TNIP3: variants seen among roughly 807,000 people sequenced by gnomAD.
TNIP3 encodes the protein TNFAIP3-interacting protein 3.
TNIP3 carries 34 observed loss-of-function variants against 54.1 expected under a neutral mutation model. That is an observed-to-expected ratio of 0.63 (90% CI 0.48 to 0.84). The LOEUF (loss-of-function observed/expected upper bound fraction) is 0.84, where lower values mean the gene tolerates loss of function less well. Among genes scored for constraint, TNIP3 ranks in the 40% least tolerant of loss-of-function variants. TNIP3 has a pLI of 0.00. For synonymous variants in TNIP3, 134 were observed against 136.8 expected (o/e 0.98, Z 0.14); for missense variants, 366 against 387.6 (o/e 0.94, Z 0.47).
At chr4:121,194,781 T>C (rs989805575) in intron 2 of TNIP3, among the ~76,000 whole-genome samples, 1 of 152,114 alleles carries the variant, frequency 6.6e-6, no homozygotes, top group East Asian at 1.9e-4. Context: ...ATAGGCTCTG[T>C]TGGAATCCTC....
chr4:121,203,252 G>C (rs1365520525), intron 2 of TNIP3, among the ~76,000 whole-genome samples: 1 of 151,868 alleles, frequency 6.6e-6, no homozygotes, highest in African/African-American at 2.4e-5. Flanking sequence ...TAGATAGATA[G>C]ATAGATAGAA....
At chr4:121,159,697 C>G (rs1023327027) in intron 2 of TNIP3, among the ~76,000 whole-genome samples, 4 of 152,192 alleles carry the variant, frequency 2.6e-5, no homozygotes, top group Non-Finnish European at 2.9e-5. Flanking sequence ...CGTCATAGGA[C>G]AATATTTAGA....
At chr4:121,211,424 C>T (rs547626657) in intron 2 of TNIP3, among the ~76,000 whole-genome samples, 1 of 152,266 alleles carries the variant, frequency 6.6e-6, no homozygotes, top group East Asian at 1.9e-4. Context: ...GATGAAAACT[C>T]AACTCACTGA....
intron 2 of TNIP3, among the ~76,000 whole-genome samples, chr4:121,205,408 AAG>A (rs758969010): frequency 1.6e-4 from 25 of 152,218 alleles, no homozygotes; most frequent in Non-Finnish European, 2.4e-4. Context: ...AGAAAGGTAA[AAG>A]AGAGCCAGTT....
intron 8 of TNIP3, 136 bp from the exon 9 acceptor site, chr4:121,142,050 A>T: frequency 3.9e-6 from 2 of 512,550 alleles, no homozygotes; most frequent in East Asian, 6.8e-5. Context: ...CAAAATAGTA[A>T]ACATGTCAAT....
intron 2 of TNIP3, among the ~76,000 whole-genome samples, chr4:121,195,237 T>C (rs1725514528): frequency 6.6e-6 from 1 of 152,138 alleles, no homozygotes; most frequent in African/African-American, 2.4e-5. Flanking sequence ...GTAACCCCCA[T>C]ACACCTTCAA....
rs528467719 is a variant in TNIP3 at position 121,195,178 on chromosome 4, A to C, written c.69-12382T>G. On this transcript the variant is annotated intron_variant, in intron 2 of 12. Coordinates refer to the TNIP3 transcript ENST00000507879. The stretch of plus-strand genomic sequence containing the variant: ...AAAAAGCAAACAAAACAAAACAAAA[A>C]AAAAACTTCTTAATTAAGTCAATAA... Among the ~76,000 whole-genome samples, 29 of 152,262 alleles carry C rather than the reference A, an allele frequency of 1.9e-4. No homozygotes were observed. The East Asian group carries it at 2.1e-3, about 11-fold the overall frequency.
intron 3 of TNIP3, chr4:121,182,564 G>A (rs1724773984): frequency 1.6e-6 from 2 of 1,243,812 alleles, no homozygotes; most frequent in South Asian, 3.0e-5. Context: ...CAGCTGACAA[G>A]GAAGTACATG....
chr4:121,187,202 A>C (rs189200831), intron 2 of TNIP3, among the ~76,000 whole-genome samples: 2 of 152,298 alleles, frequency 1.3e-5, no homozygotes, highest in Non-Finnish European at 2.9e-5. Flanking sequence ...AACAAACAAA[A>C]AAAACACCCT....
intron 2 of TNIP3, among the ~76,000 whole-genome samples, chr4:121,213,883 C>G (rs1055331761): frequency 2.0e-5 from 3 of 152,078 alleles, no homozygotes; most frequent in Non-Finnish European, 2.9e-5. Context: ...AGTGGGACTG[C>G]TTTCATAATA....
At chr4:121,153,381 A>G (rs528388248) in intron 5 of TNIP3, among the ~76,000 whole-genome samples, 2 of 152,324 alleles carry the variant, frequency 1.3e-5, no homozygotes, top group East Asian at 3.9e-4. Flanking sequence ...AATTAACTAG[A>G]CAATGTAAGA....
At chr4:121,212,897 T>C (rs963090659) in intron 2 of TNIP3, among the ~76,000 whole-genome samples, 2 of 152,166 alleles carry the variant, frequency 1.3e-5, no homozygotes, top group Non-Finnish European at 2.9e-5. Context: ...ATCATTTTAG[T>C]TTTCACTTAG....
At chr4:121,164,840 T>A (rs187216505), upstream of TNIP3, among the ~76,000 whole-genome samples, 732 of 152,288 alleles carry the variant, frequency 4.8e-3, 1 homozygote, top group South Asian at 0.014. Context: ...CTGTCTTTTC[T>A]ATAAATCAAG....
intron 3 of TNIP3, among the ~76,000 whole-genome samples, chr4:121,176,307 G>T (rs1724328689): frequency 6.6e-6 from 1 of 152,170 alleles, no homozygotes. Context: ...GAGCTTTTCA[G>T]CCAGGTGTCC....
chr4:121,190,865 A>C (rs1318013223), intron 2 of TNIP3, among the ~76,000 whole-genome samples: 2 of 152,222 alleles, frequency 1.3e-5, no homozygotes, highest in Admixed American at 6.5e-5. Context: ...AGCCTGGAAG[A>C]CCAAGTTATG....
intron 3 of TNIP3, among the ~76,000 whole-genome samples, chr4:121,175,991 G>C (rs1579443541): frequency 6.6e-6 from 1 of 152,170 alleles, no homozygotes; most frequent in Non-Finnish European, 1.5e-5. Context: ...TATTCATGTA[G>C]AGTGGAATCC....
intron 1 of TNIP3, among the ~76,000 whole-genome samples, chr4:121,226,523 C>T (rs968000873): frequency 6.6e-6 from 1 of 152,228 alleles, no homozygotes. Flanking sequence ...TGAAAGGACA[C>T]TCTGGGAGTC....
intron 10 of TNIP3, among the ~76,000 whole-genome samples, chr4:121,134,839 G>A (rs557286561): frequency 2.6e-5 from 4 of 152,134 alleles, no homozygotes; most frequent in East Asian, 1.9e-4. Context: ...CAGTGTGAGC[G>A]ACGTTTCCTC....
chr4:121,141,759 A>G (rs1046283117), intron 9 of TNIP3, 57 bp downstream of exon 9: 123 of 1,157,706 alleles, frequency 1.1e-4, no homozygotes, highest in Non-Finnish European at 1.4e-4. Context: ...CCAGAGATGC[A>G]CATAATTTCT....
Sources: gnomAD v4.1 joint callset for allele counts (sites outside exome capture counted in the v4.1 genomes callset) on GRCh38, gnomAD v4.1.1 for gene constraint, MANE v1.5 for transcripts, NCBI Gene and HGNC (gene_info 2026-07-23, HGNC 2026-07-21) for gene names.